KCNMB4: variants seen among roughly 807,000 people sequenced by gnomAD.
KCNMB4 encodes the protein calcium-activated potassium channel subunit beta-4.
Under a neutral mutation model 20.7 loss-of-function variants are expected in KCNMB4, and 3 were observed. The observed-to-expected ratio is 0.14, with a 90% CI of 0.07 to 0.37. The LOEUF (loss-of-function observed/expected upper bound fraction) is 0.37. KCNMB4 is among the 10% of genes least tolerant of loss of function. The probability of loss-of-function intolerance (pLI) is 1.00; values close to 1 mark genes in which losing one functional copy is unlikely to be tolerated. For synonymous variants in KCNMB4, 110 were observed against 113.4 expected, an observed-to-expected ratio of 0.97 and a Z score of 0.19; for missense variants, 168 against 265.9, an observed-to-expected ratio of 0.63 and a Z score of 2.56.
chr12:70,418,471 A>C (rs1482682475), intron 2 of KCNMB4, among the ~76,000 whole-genome samples: 3 of 152,166 alleles, frequency 2.0e-5, no homozygotes, highest in Non-Finnish European at 4.4e-5. Flanking sequence ...CACCTGAAGC[A>C]ATGAAGCAGA....
At position 70,372,890 on chromosome 12, in the gene KCNMB4, G is replaced by A. The variant is rs187047644; in HGVS notation, c.336+5820G>A. 1.4e-4 allele frequency among the ~76,000 whole-genome samples: 21 copies of A among 152,292 alleles called. No homozygotes were observed. The South Asian group carries it at 2.5e-3, about 18-fold the overall frequency. ...AGAAAGAAGCATTTGCTATAAGTCC[G>A]AGGATGAACAGAGTTTCATCTTGGT... On this transcript the variant is annotated intron_variant, in intron 1 of 2. Transcript: ENST00000258111.
In KCNMB4 at chr12:70,432,030, C is replaced by CTTTTTT. The variant is rs376288820; in HGVS notation, c.*1390_*1395dup. The CTTTTTT allele has an allele frequency of 2.1e-4, 27 of 127,938 alleles. No individual in the cohort carries two copies. Among genetic ancestry groups the CTTTTTT allele is most frequent in the Non-Finnish European group, 3.5e-4 (21 of 60,414 alleles). 7.9% of individuals were successfully genotyped at this position (127,938 alleles called of 1,614,324 possible). On this transcript the variant is annotated 3_prime_UTR_variant, in exon 3 of 3. Coordinates refer to ENST00000258111, the MANE Select transcript of KCNMB4 (RefSeq NM_014505.6). ...TCCACATACCAATGTTTTCTTTTTT[C>CTTTTTT]TTTTTTTTTTTTTTTTTTGAGATGG...
intron 1 of KCNMB4, among the ~76,000 whole-genome samples, chr12:70,398,298 A>G (rs1157737207): frequency 1.3e-5 from 2 of 152,140 alleles, no homozygotes; most frequent in Non-Finnish European, 2.9e-5. Flanking sequence ...ATGTAGAGCT[A>G]GAAATTATTT....
At chr12:70,385,963 A>G (rs577657221) in intron 1 of KCNMB4, among the ~76,000 whole-genome samples, 1 of 152,336 alleles carries the variant, frequency 6.6e-6, no homozygotes, top group East Asian at 1.9e-4. Flanking sequence ...GAACTATGCC[A>G]GAGAAACAGA....
At chr12:70,392,998 GAA>G (rs1363311571) in intron 1 of KCNMB4, among the ~76,000 whole-genome samples, 1 of 151,942 alleles carries the variant, frequency 6.6e-6, no homozygotes, top group Non-Finnish European at 1.5e-5. Flanking sequence ...AAAATTTAAA[GAA>G]AGAGTATTGG....
chr12:70,381,862 A>G (rs143905241), intron 1 of KCNMB4, among the ~76,000 whole-genome samples: 261 of 152,348 alleles, frequency 1.7e-3, no homozygotes, highest in African/African-American at 5.9e-3. Flanking sequence ...TTTAATGGGT[A>G]AATTGGATGG....
chr12:70,391,584 G>A (rs188512790), intron 1 of KCNMB4, among the ~76,000 whole-genome samples: 2 of 152,302 alleles, frequency 1.3e-5, no homozygotes, highest in African/African-American at 2.4e-5. Context: ...AGGATTACAG[G>A]TGTGAGCCAC....
chr12:70,396,970 G>A (rs993104987), intron 1 of KCNMB4, among the ~76,000 whole-genome samples: 4 of 152,192 alleles, frequency 2.6e-5, no homozygotes, highest in African/African-American at 9.7e-5. Context: ...GGAATCTAGG[G>A]AGGATCTGAG....
At chr12:70,424,743 T>G (rs1869163649) in intron 2 of KCNMB4, among the ~76,000 whole-genome samples, 1 of 149,220 alleles carries the variant, frequency 6.7e-6, no homozygotes, top group Non-Finnish European at 1.5e-5. Context: ...AGAGCAAAAC[T>G]CCGTCTCAAA....
intron 2 of KCNMB4, among the ~76,000 whole-genome samples, chr12:70,429,010 A>C (rs1869286787): frequency 6.6e-6 from 1 of 152,244 alleles, no homozygotes; most frequent in Non-Finnish European, 1.5e-5. Flanking sequence ...TGTGCATCAA[A>C]GGAAAAAATG....
chr12:70,376,304 C>T (rs951707878), intron 1 of KCNMB4, among the ~76,000 whole-genome samples: 2 of 152,028 alleles, frequency 1.3e-5, no homozygotes, highest in African/African-American at 4.8e-5. Context: ...GATGTCCACT[C>T]TTACCACTCT....
chr12:70,416,104 G>C (rs1868907608), intron 2 of KCNMB4, among the ~76,000 whole-genome samples: 1 of 152,154 alleles, frequency 6.6e-6, no homozygotes, highest in Admixed American at 6.5e-5. Context: ...TGGATCCTCA[G>C]CCCTTCCTGG....
intron 2 of KCNMB4, among the ~76,000 whole-genome samples, chr12:70,417,937 G>A (rs556185229): frequency 6.6e-6 from 1 of 152,286 alleles, no homozygotes; most frequent in Admixed American, 6.5e-5. Flanking sequence ...ATTTGTGGTT[G>A]AGCCATGGGA....
intron 2 of KCNMB4, among the ~76,000 whole-genome samples, chr12:70,419,887 G>C (rs1351099964): frequency 2.6e-5 from 4 of 152,156 alleles, no homozygotes; most frequent in African/African-American, 9.7e-5. Context: ...AAATAGTGGA[G>C]ATCTACCTAG....
At chr12:70,386,430 A>G (rs1228232851) in intron 1 of KCNMB4, among the ~76,000 whole-genome samples, 3 of 152,138 alleles carry the variant, frequency 2.0e-5, no homozygotes, top group Admixed American at 2.0e-4. Flanking sequence ...TTTTAACTAT[A>G]TGAAGACTTT....
chr12:70,388,855 A>G (rs1339254279), intron 1 of KCNMB4, among the ~76,000 whole-genome samples: 1 of 152,204 alleles, frequency 6.6e-6, no homozygotes, highest in East Asian at 1.9e-4. Flanking sequence ...TATTATGAAC[A>G]TAGTTTTGAA....
Position 70,430,854 on chromosome 12 carries a change from A to G in KCNMB4, c.*201A>G, listed in dbSNP as rs1009537115. 1 of 514,148 alleles carries G rather than the reference A, an allele frequency of 1.9e-6. No homozygotes were observed. The highest frequency in any genetic ancestry group is 3.4e-6 in the Non-Finnish European group (1 of 297,404). The allele number at this position is 514,148 out of a possible 1,614,324, so 31.8% of individuals were successfully genotyped here. ...AGCTTGTATTCCATCTGCTGTAGCA[A>G]TGGCTAAAGGGTCAAGATCTTAGCT... On this transcript the variant is annotated 3_prime_UTR_variant, in exon 3 of 3. Coordinates refer to ENST00000258111, the MANE Select transcript of KCNMB4 (RefSeq NM_014505.6).
chr12:70,416,167 T>G, intron 2 of KCNMB4, among the ~76,000 whole-genome samples: 1 of 152,190 alleles, frequency 6.6e-6, no homozygotes, highest in South Asian at 2.1e-4. Flanking sequence ...CCTGAAAATC[T>G]CAGAAGCTTG....
intron 1 of KCNMB4, among the ~76,000 whole-genome samples, chr12:70,387,075 C>T (rs184725505): frequency 6.7e-6 from 1 of 149,550 alleles, no homozygotes; most frequent in Admixed American, 6.8e-5. Context: ...TGCATTTTTA[C>T]GTTGTGTGTC....
Sources: gnomAD v4.1 joint callset for allele counts (sites outside exome capture counted in the v4.1 genomes callset) on GRCh38, gnomAD v4.1.1 for gene constraint, MANE v1.5 for transcripts, NCBI Gene and HGNC (gene_info 2026-07-23, HGNC 2026-07-21) for gene names.